The following DLEU7 variants were observed in gnomAD, a reference collection of about 807,000 sequenced individuals.
The protein encoded by DLEU7 is deleted in lymphocytic leukemia 7, also known as leukemia-associated protein 7.
In DLEU7, 17 loss-of-function variants were observed where a neutral mutation model predicts 16.0. The observed-to-expected ratio is 1.06, with a 90% CI of 0.73 to 1.59. The LOEUF (loss-of-function observed/expected upper bound fraction) is 1.59. Ranked by LOEUF, DLEU7 falls within the 40% of genes most tolerant of loss-of-function variation. DLEU7 has a pLI of 0.00. For synonymous variants in DLEU7, 113 were observed against 139.8 expected, an observed-to-expected ratio of 0.81 and a Z score of 1.35; for missense variants, 308 against 314.9, an observed-to-expected ratio of 0.98 and a Z score of 0.17.
intron 1 of DLEU7, among the ~76,000 whole-genome samples, chr13:50,735,319 A>G (rs1471217907): frequency 4.6e-5 from 7 of 152,172 alleles, no homozygotes; most frequent in Non-Finnish European, 8.8e-5. Context: ...ATATTTATAG[A>G]GTACTTCATC....
chr13:50,724,404 A>T (rs1380245697), intron 1 of DLEU7, among the ~76,000 whole-genome samples: 1 of 152,154 alleles, frequency 6.6e-6, no homozygotes, highest in Non-Finnish European at 1.5e-5. Flanking sequence ...CATCAGAGTG[A>T]GATATTTTTG....
chr13:50,757,621 A>G (rs1288768739), intron 1 of DLEU7, among the ~76,000 whole-genome samples: 9 of 152,210 alleles, frequency 5.9e-5, no homozygotes, highest in African/African-American at 1.2e-4. Flanking sequence ...TGTTACTGCA[A>G]TCGATTTCTA....
intron 1 of DLEU7, among the ~76,000 whole-genome samples, chr13:50,729,910 C>G (rs1252314769): frequency 2.0e-5 from 3 of 151,930 alleles, no homozygotes; most frequent in African/African-American, 4.8e-5. Context: ...TTTGGACTCC[C>G]TGAAACTTAA....
intron 1 of DLEU7, among the ~76,000 whole-genome samples, chr13:50,800,460 G>A (rs916920644): frequency 3.3e-5 from 5 of 152,160 alleles, no homozygotes; most frequent in African/African-American, 9.6e-5. Flanking sequence ...GGAATGAAGG[G>A]GCCTCCTCAC....
chr13:50,834,108 A>T (rs1391569003), intron 1 of DLEU7, among the ~76,000 whole-genome samples: 2 of 152,168 alleles, frequency 1.3e-5, no homozygotes, highest in Non-Finnish European at 2.9e-5. Flanking sequence ...CCTAGACAAT[A>T]CCATTCAGGA....
At chr13:50,750,674 T>G (rs1874536277) in intron 1 of DLEU7, among the ~76,000 whole-genome samples, 1 of 152,124 alleles carries the variant, frequency 6.6e-6, no homozygotes, top group Non-Finnish European at 1.5e-5. Context: ...TTCCTATGTT[T>G]TTTGTTTGTT....
At chr13:50,816,180 T>C (rs892558447) in intron 1 of DLEU7, among the ~76,000 whole-genome samples, 1 of 152,008 alleles carries the variant, frequency 6.6e-6, no homozygotes, top group Admixed American at 6.6e-5. Flanking sequence ...CTTTTATACA[T>C]AAATAAAGTT....
chr13:50,717,496 G>A (rs1298062056), intron 1 of DLEU7, among the ~76,000 whole-genome samples: 4 of 151,792 alleles, frequency 2.6e-5, no homozygotes, highest in Non-Finnish European at 4.4e-5. Flanking sequence ...AGTACATTTT[G>A]CAAACTGGAG....
intron 1 of DLEU7, among the ~76,000 whole-genome samples, chr13:50,805,662 TG>T (rs1371964557): frequency 6.6e-6 from 1 of 152,236 alleles, no homozygotes; most frequent in Non-Finnish European, 1.5e-5. Context: ...CTTTCAGCAA[TG>T]CCCTGTCTTC....
chr13:50,810,185 GAAAA>G (rs5803535), intron 1 of DLEU7, among the ~76,000 whole-genome samples: 2 of 129,988 alleles, frequency 1.5e-5, no homozygotes, highest in Non-Finnish European at 3.3e-5. Context: ...AGAAATTCTG[GAAAA>G]AAAAAAAAAA....
At chr13:50,762,189 CAAAAAA>C (rs71085045) in intron 1 of DLEU7, among the ~76,000 whole-genome samples, 3 of 84,284 alleles carry the variant, frequency 3.6e-5, no homozygotes, top group African/African-American at 9.0e-5. Context: ...AGACTCGTCT[CAAAAAA>C]AAAAAAAAAA....
At chr13:50,819,337 G>T (rs1876827838), downstream of DLEU7, among the ~76,000 whole-genome samples, 2 of 152,148 alleles carry the variant, frequency 1.3e-5, no homozygotes, top group African/African-American at 4.8e-5. Context: ...TCTTAGGTGT[G>T]TAGTAGGAGA....
chr13:50,791,264 C>T (rs977328926), intron 1 of DLEU7, among the ~76,000 whole-genome samples: 4 of 152,114 alleles, frequency 2.6e-5, no homozygotes, highest in Admixed American at 2.6e-4. Context: ...CAGGGTTGTA[C>T]ACATGCAGGG....
intron 1 of DLEU7, chr13:50,813,075 C>CCAGACA (rs1439049119): frequency 5.9e-5 from 9 of 152,220 alleles, no homozygotes; most frequent in Non-Finnish European, 1.2e-4. Context: ...TCAGATGGAA[C>CCAGACA]CAGACACGTT....
intron 1 of DLEU7, among the ~76,000 whole-genome samples, chr13:50,762,452 G>A (rs1415132930): frequency 2.0e-5 from 3 of 152,096 alleles, no homozygotes; most frequent in Non-Finnish European, 4.4e-5. Flanking sequence ...CACGGAACAG[G>A]GTAAAGCCCA....
chr13:50,829,535 G>C (rs1877196507), intron 1 of DLEU7, among the ~76,000 whole-genome samples: 1 of 152,124 alleles, frequency 6.6e-6, no homozygotes, highest in South Asian at 2.1e-4. Flanking sequence ...ATGTTTTACT[G>C]TAAAGAATCA....
intron 1 of DLEU7, among the ~76,000 whole-genome samples, chr13:50,786,054 A>T (rs1393920166): frequency 6.6e-6 from 1 of 152,192 alleles, no homozygotes; most frequent in African/African-American, 2.4e-5. Flanking sequence ...GAAGCAGATC[A>T]TGGTGGCAGA....
At chr13:50,778,474 A>G (rs185929595) in intron 1 of DLEU7, among the ~76,000 whole-genome samples, 7 of 152,294 alleles carry the variant, frequency 4.6e-5, no homozygotes, top group Admixed American at 4.6e-4. Flanking sequence ...TCCCATAGCT[A>G]TGAGAAATCA....
intron 1 of DLEU7, among the ~76,000 whole-genome samples, chr13:50,840,652 A>G (rs554323201): frequency 6.6e-6 from 1 of 152,248 alleles, no homozygotes; most frequent in East Asian, 1.9e-4. Context: ...CTGGGTAAGT[A>G]AAGAGTGTTA....
Sources: allele counts gnomAD v4.1 joint callset (sites outside exome capture counted in the v4.1 genomes callset), GRCh38; gene constraint gnomAD v4.1.1; transcripts MANE v1.5; gene names NCBI Gene and HGNC (gene_info 2026-07-23, HGNC 2026-07-21).